The following PACRG variants were observed in gnomAD, a reference collection of about 807,000 sequenced individuals.
PACRG encodes the protein parkin coregulated gene protein.
In PACRG, 29 loss-of-function variants were observed where a neutral mutation model predicts 29.7. The ratio of observed to expected loss-of-function variants is 0.98; its 90% CI spans 0.73 to 1.33. The LOEUF (loss-of-function observed/expected upper bound fraction) is 1.33. Among genes scored for constraint, PACRG ranks in the 40% most tolerant of loss-of-function variants. The pLI is 0.00. For missense variants in PACRG, 279 were observed against 316.2 expected (o/e 0.88, Z 0.89); for synonymous variants, 116 against 118.7 (o/e 0.98, Z 0.15).
At chr6:162,971,276 A>C (rs1801506647) in intron 2 of PACRG, among the ~76,000 whole-genome samples, 1 of 152,166 alleles carries the variant, frequency 6.6e-6, no homozygotes, top group African/African-American at 2.4e-5. Context: ...CATTTTCTCT[A>C]TCTGGGCTCC....
At chr6:163,266,818 C>T (rs1348070242) in intron 4 of PACRG, among the ~76,000 whole-genome samples, 1 of 152,186 alleles carries the variant, frequency 6.6e-6, no homozygotes, top group Non-Finnish European at 1.5e-5. Context: ...CGTCAAATGT[C>T]AGGCTCCTGC....
rs918317623 is a variant in PACRG at position 162,925,138 on chromosome 6, C to T, written c.291+110857C>T. On this transcript the variant is annotated intron_variant, in intron 2 of 4. Coordinates refer to ENST00000366888, the MANE Select transcript of PACRG (RefSeq NM_001080379.2). ...GGAAGAAGTAGGATCCTTGAATAGA[C>T]CAATAACAAGTTCTGAAATTGAGGC... is the stretch of plus-strand genomic sequence containing the variant. 3.3e-5 allele frequency among the ~76,000 whole-genome samples: 5 copies of T among 152,082 alleles called. No homozygotes were observed. The South Asian group carries it at 6.2e-4, about 19-fold the overall frequency.
At chr6:163,265,377 G>A (rs1359488138) in intron 4 of PACRG, among the ~76,000 whole-genome samples, 2 of 152,126 alleles carry the variant, frequency 1.3e-5, no homozygotes, top group Admixed American at 1.3e-4. Context: ...GAATGCCCGG[G>A]CTCCCTTCTT....
At chr6:162,982,040 G>A (rs1273617268) in intron 2 of PACRG, among the ~76,000 whole-genome samples, 1 of 151,472 alleles carries the variant, frequency 6.6e-6, no homozygotes, top group Non-Finnish European at 1.5e-5. Flanking sequence ...ATATTTCCAG[G>A]AATTTATCTA....
chr6:163,177,751 G>A (rs1472781660), intron 4 of PACRG, among the ~76,000 whole-genome samples: 2 of 78,228 alleles, frequency 2.6e-5, no homozygotes, highest in African/African-American at 4.9e-5. Flanking sequence ...GGTGGGATTC[G>A]ACCGTGTTTT....
At chr6:162,789,049 G>C (rs1399152994) in intron 1 of PACRG, among the ~76,000 whole-genome samples, 1 of 152,120 alleles carries the variant, frequency 6.6e-6, no homozygotes, top group Non-Finnish European at 1.5e-5. Flanking sequence ...CTAGACCAGG[G>C]AGTGCATGCT....
chr6:162,811,015 A>G (rs1786816075), intron 1 of PACRG, among the ~76,000 whole-genome samples: 1 of 152,198 alleles, frequency 6.6e-6, no homozygotes, highest in African/African-American at 2.4e-5. Context: ...CTGAAAATTA[A>G]AGACAGAGAA....
At chr6:162,967,760 G>T (rs1187011370) in intron 2 of PACRG, among the ~76,000 whole-genome samples, 1 of 151,910 alleles carries the variant, frequency 6.6e-6, no homozygotes, top group African/African-American at 2.4e-5. Context: ...GCCCATCTTG[G>T]CCTCCCAACG....
chr6:162,938,149 G>A (rs1277185890), intron 2 of PACRG, among the ~76,000 whole-genome samples: 2 of 152,166 alleles, frequency 1.3e-5, no homozygotes, highest in African/African-American at 4.8e-5. Context: ...AACACACAAT[G>A]TTTGGTTTTC....
intron 2 of PACRG, among the ~76,000 whole-genome samples, chr6:163,005,866 TAGTTATACGTGTTATATATATACAAC>T (rs1805028774): frequency 7.3e-6 from 1 of 137,876 alleles, no homozygotes; most frequent in African/African-American, 3.2e-5. Flanking sequence ...ATATACAACA[TAGTTATACGTGTTATATATATACAAC>T]GTAGTTATAC....
intron 4 of PACRG, among the ~76,000 whole-genome samples, chr6:163,136,113 T>C (rs560751887): frequency 3.3e-5 from 5 of 152,338 alleles, no homozygotes; most frequent in African/African-American, 1.2e-4. Flanking sequence ...GTCATTAGAT[T>C]CATCAAAATC....
chr6:162,847,071 A>ATGCTGACTGCCG (rs1790461487), intron 2 of PACRG, among the ~76,000 whole-genome samples: 2 of 68,140 alleles, frequency 2.9e-5, no homozygotes, highest in African/African-American at 1.1e-4. Flanking sequence ...GCTGACTGCC[A>ATGCTGACTGCCG]TGCTCCCCAC....
chr6:162,847,658 C>T (rs1222110938), intron 2 of PACRG, among the ~76,000 whole-genome samples: 1 of 151,578 alleles, frequency 6.6e-6, no homozygotes, highest in East Asian at 1.9e-4. Flanking sequence ...AAGCATCACC[C>T]GAGGTGAACA....
intron 4 of PACRG, among the ~76,000 whole-genome samples, chr6:163,156,998 T>A (rs1456972930): frequency 6.6e-6 from 1 of 152,200 alleles, no homozygotes; most frequent in Admixed American, 6.5e-5. Flanking sequence ...CCTTTTGTCA[T>A]GTAATGCAAC....
intron 2 of PACRG, among the ~76,000 whole-genome samples, chr6:163,036,121 C>G (rs961531609): frequency 6.6e-6 from 1 of 152,188 alleles, no homozygotes; most frequent in African/African-American, 2.4e-5. Context: ...TTGATCTGCT[C>G]AAATTAATTG....
chr6:163,263,164 A>C (rs201488113), intron 4 of PACRG, among the ~76,000 whole-genome samples: 3 of 148,736 alleles, frequency 2.0e-5, no homozygotes, highest in East Asian at 4.0e-4. Context: ...TATCTTACAG[A>C]CCCCAGGAGG....
At chr6:162,978,673 G>A (rs920133306) in intron 2 of PACRG, among the ~76,000 whole-genome samples, 2 of 152,102 alleles carry the variant, frequency 1.3e-5, no homozygotes, top group African/African-American at 2.4e-5. Context: ...AAAAAAAACT[G>A]TAGAAACTCC....
At chr6:163,071,079 C>G (rs930954271) in intron 3 of PACRG, among the ~76,000 whole-genome samples, 3 of 152,006 alleles carry the variant, frequency 2.0e-5, no homozygotes, top group Non-Finnish European at 2.9e-5. Flanking sequence ...GAGAGACAGA[C>G]CACAATACGA....
intron 2 of PACRG, among the ~76,000 whole-genome samples, chr6:162,837,823 C>T (rs992982997): frequency 2.0e-5 from 3 of 152,014 alleles, no homozygotes; most frequent in African/African-American, 7.2e-5. Context: ...AAACAGTCAT[C>T]AAAGGCATCT....
Sources: gnomAD v4.1 joint callset for allele counts (sites outside exome capture counted in the v4.1 genomes callset) on GRCh38, gnomAD v4.1.1 for gene constraint, MANE v1.5 for transcripts, NCBI Gene and HGNC (gene_info 2026-07-23, HGNC 2026-07-21) for gene names.